PTRH1: variants seen among roughly 807,000 people sequenced by gnomAD.
PTRH1 encodes the protein peptidyl-tRNA hydrolase.
In PTRH1, 13 loss-of-function variants were observed where a neutral mutation model predicts 15.7. That is an observed-to-expected ratio of 0.83 (90% CI 0.54 to 1.31). The LOEUF is 1.31. Among genes scored for constraint, PTRH1 ranks in the 40% most tolerant of loss-of-function variants. The pLI is 0.00. For synonymous variants in PTRH1, 139 were observed against 136.7 expected (o/e 1.02, Z -0.12); for missense variants, 319 against 296.2 (o/e 1.08, Z -0.56).
chr9:127,712,067 C>T, downstream of PTRH1: 1 of 1,501,524 alleles, frequency 6.7e-7, no homozygotes, highest in South Asian at 1.3e-5. Flanking sequence ...AGGAGCCTGC[C>T]AGACAGGCTG....
rs114099359 is a variant in PTRH1 at position 127,705,037 on chromosome 9, T to A, written c.206-9896A>T. ...TGCTGGGATTATAGGCATGAACCAG[T>A]GCACCTGGCCAAGGGCATGTTTAAT... is the stretch of plus-strand genomic sequence containing the variant. On this transcript the variant is annotated intron_variant, in intron 1 of 2. Transcript: ENST00000335223. This position sits in a 1 kb window ranked among gnomAD's most constrained non-coding sequence, Gnocchi z 4.7. Among the ~76,000 whole-genome samples the A allele has an allele frequency of 3.6e-3, 555 of 152,238 alleles. 3 individuals carry two copies. Among genetic ancestry groups the A allele is most frequent in the African/African-American group, 0.013 (525 of 41,532 alleles).
Position 127,715,502 on chromosome 9 carries a change from T to C in PTRH1, c.96+42A>G, listed in dbSNP as rs367715244. On this transcript the variant is annotated intron_variant, in intron 1 of 4. Transcript: ENST00000543175. The surrounding 1 kb of genome is among the most constrained non-coding windows in gnomAD (Gnocchi z 5.8). ...CGGGACATAATGGCCGAACTGAAGC[T>C]AGGGACCGGGAGCCCCTACGTCGCC... is the stretch of plus-strand genomic sequence containing the variant. The C allele has an allele frequency of 3.1e-6, 5 of 1,612,398 alleles. No individual in the cohort carries two copies. The African/African-American group carries it at 6.7e-5, about 22-fold the overall frequency.
chr9:127,699,870 T>TGTGTG (rs1003792530), intron 1 of PTRH1, among the ~76,000 whole-genome samples: 34 of 152,224 alleles, frequency 2.2e-4, no homozygotes, highest in African/African-American at 7.5e-4. Flanking sequence ...CTGACTTCCC[T>TGTGTG]GTGTGACCTG....
chr9:127,705,879 G>T lies in PTRH1; in HGVS notation c.205+9556C>A, dbSNP rs553646267. The stretch of plus-strand genomic sequence containing the variant: ...GCATGGGGGTCTCTTCCCTCTGCCA[G>T]TCACATTTGTGCCCTCCCAGGGCTG... On this transcript the variant is annotated intron_variant, in intron 1 of 2. Coordinates refer to the PTRH1 transcript ENST00000335223. This position sits in a 1 kb window ranked among gnomAD's most constrained non-coding sequence, Gnocchi z 4.7. 2.0e-5 allele frequency among the ~76,000 whole-genome samples: 3 copies of T among 152,242 alleles called. No individual in the cohort carries two copies. The highest frequency in any genetic ancestry group is 7.2e-5 in the African/African-American group (3 of 41,468).
At chr9:127,704,715 C>G (rs1254088672) in intron 1 of PTRH1, among the ~76,000 whole-genome samples, 1 of 152,066 alleles carries the variant, frequency 6.6e-6, no homozygotes, top group African/African-American at 2.4e-5. Flanking sequence ...AGAACTCCCC[C>G]TCCCCATCAC....
chr9:127,701,379 CACTTT>C (rs1158430009), intron 1 of PTRH1, among the ~76,000 whole-genome samples: 1 of 152,174 alleles, frequency 6.6e-6, no homozygotes, highest in African/African-American at 2.4e-5. Context: ...TGGGGCCACT[CACTTT>C]AATAAGGGCA....
At chr9:127,709,137 G>C (rs1842707554), downstream of PTRH1, among the ~76,000 whole-genome samples, 1 of 152,248 alleles carries the variant, frequency 6.6e-6, no homozygotes, top group Non-Finnish European at 1.5e-5. This position sits in a 1 kb window ranked among gnomAD's most constrained non-coding sequence, Gnocchi z 4.7. Context: ...CCTGCTATCT[G>C]CCAGGCACAG....
At chr9:127,696,535 C>T (rs892408557) in intron 1 of PTRH1, among the ~76,000 whole-genome samples, 1 of 152,122 alleles carries the variant, frequency 6.6e-6, no homozygotes, top group Non-Finnish European at 1.5e-5. Context: ...TTAAACACAG[C>T]CGTCTGACTC....
At position 127,714,972 on chromosome 9, in the gene PTRH1, C is replaced by G; in HGVS notation, c.316+3G>C. The G allele has an allele frequency of 8.4e-7, 1 of 1,195,858 alleles. No homozygotes were observed. Among genetic ancestry groups the G allele is most frequent in the Non-Finnish European group, 1.1e-6 (1 of 900,694 alleles). 74.1% of individuals were successfully genotyped at this position (1,195,858 alleles called of 1,614,324 possible). On this transcript the variant is annotated splice_donor_region_variant and intron_variant, in intron 2 of 4. Transcript: ENST00000543175. ...CCGCCCACCCCTGGCGCTCTCAACT[C>G]ACCAGCCCGGGCCACGCTGCGCCCG...
At chr9:127,712,797 G>A (rs771071414), downstream of PTRH1, 1 of 1,614,176 alleles carries the variant, frequency 6.2e-7, no homozygotes, top group Non-Finnish European at 8.5e-7. Context: ...GTCATGCTCA[G>A]CTCCACTGTG....
rs372905676 is a variant in PTRH1, at chr9:127,699,104, A to T, written c.206-3963T>A. Among the ~76,000 whole-genome samples, 5 of 152,004 alleles carry T rather than the reference A, an allele frequency of 3.3e-5. 1 individual carries two copies. In the South Asian group the frequency reaches 6.2e-4, roughly 19 times the overall value. On this transcript the variant is annotated intron_variant, in intron 1 of 2. Transcript: ENST00000335223. ...ACCATGTTTGCCAGACTGGTCTCGA[A>T]CTCATGACCTCAAGTCATCCGCCAG... is the stretch of plus-strand genomic sequence containing the variant.
chr9:127,695,123 C>T (rs991033618), exon 2 of PTRH1: 23 of 701,284 alleles, frequency 3.3e-5, no homozygotes, highest in African/African-American at 1.9e-4. Context: ...CTGCTGTTGA[C>T]GATGAGTCCA....
At chr9:127,711,204 C>G, downstream of PTRH1, 1 of 1,609,968 alleles carries the variant, frequency 6.2e-7, no homozygotes, top group Non-Finnish European at 8.5e-7. Flanking sequence ...TGTCTGACCC[C>G]TTCCCCTCCC....
chr9:127,713,946 A>G lies in PTRH1; in HGVS notation c.*154T>C. The G allele has an allele frequency of 6.3e-7, 1 of 1,592,750 alleles. No individual in the cohort carries two copies. The highest frequency in any genetic ancestry group is 8.6e-7 in the Non-Finnish European group (1 of 1,160,862). On this transcript the variant is annotated 3_prime_UTR_variant, in exon 5 of 5. Transcript: ENST00000543175. ...ACCTACTCCAGAAATGGACTGGTCCAGTCACAGTCACCCCCACTTTAATCC... is the reference window on the plus strand; with the variant it reads ...ACCTACTCCAGAAATGGACTGGTCCGGTCACAGTCACCCCCACTTTAATCC...
At chr9:127,694,227 T>C (rs747931882) in intron 2 of PTRH1, among the ~76,000 whole-genome samples, 3 of 152,118 alleles carry the variant, frequency 2.0e-5, no homozygotes, top group Non-Finnish European at 2.9e-5. Flanking sequence ...CTACTGTGTC[T>C]GGCCCCCATT....
At chr9:127,714,457 T>TC in intron 3 of PTRH1, 33 bp from the exon 4 acceptor site, 1 of 1,612,888 alleles carries the variant, frequency 6.2e-7, no homozygotes, top group East Asian at 2.2e-5. Context: ...AGTTAGTGCC[T>TC]CCCTGGGGCA....
intron 1 of PTRH1, chr9:127,695,295 A>C: frequency 1.7e-6 from 1 of 589,854 alleles, no homozygotes; most frequent in Non-Finnish European, 3.0e-6. Flanking sequence ...AATAGATCTC[A>C]GACACTTAAC....
chr9:127,709,677 G>A (rs1333991754), downstream of PTRH1: 11 of 1,613,368 alleles, frequency 6.8e-6, no homozygotes, highest in South Asian at 2.2e-5. The surrounding 1 kb of genome is among the most constrained non-coding windows in gnomAD (Gnocchi z 4.7). Context: ...AGCTCACCAC[G>A]GAGAACATCA....
chr9:127,706,861 A>T (rs1178854081), intron 1 of PTRH1: 2 of 719,582 alleles, frequency 2.8e-6, no homozygotes, highest in Non-Finnish European at 4.4e-6. Flanking sequence ...CTGGGGCCTC[A>T]CTGATGCCAT....
Sources: allele counts gnomAD v4.1 joint callset (sites outside exome capture counted in the v4.1 genomes callset), GRCh38; gene constraint gnomAD v4.1.1; non-coding constraint Gnocchi (gnomAD v3.1); transcripts MANE v1.5; gene names NCBI Gene and HGNC (gene_info 2026-07-23, HGNC 2026-07-21).